ZSCAN5A: variants seen among roughly 807,000 people sequenced by gnomAD.
The protein encoded by ZSCAN5A is zinc finger and SCAN domain-containing protein 5A.
Under a neutral mutation model 23.7 loss-of-function variants are expected in ZSCAN5A, and 12 were observed. That is an observed-to-expected ratio of 0.51 (90% CI 0.32 to 0.82). The LOEUF (loss-of-function observed/expected upper bound fraction) is 0.82. Ranked by LOEUF, ZSCAN5A falls within the 40% of genes least tolerant of loss-of-function variation. The probability of loss-of-function intolerance (pLI) is 0.03; values close to 1 mark genes in which losing one functional copy is unlikely to be tolerated. For missense variants in ZSCAN5A, 597 were observed against 617.9 expected (o/e 0.97, Z 0.36); for synonymous variants, 257 against 239.9 (o/e 1.07, Z -0.66).
chr19:56,328,920 A>G (rs1365489594), intron 2 of ZSCAN5A, among the ~76,000 whole-genome samples: 5 of 150,050 alleles, frequency 3.3e-5, no homozygotes, highest in Admixed American at 2.0e-4. Flanking sequence ...GCGTGAACCC[A>G]GGAGGCGGAG....
rs2035190382 is a variant in ZSCAN5A at position 56,238,826 on chromosome 19, T to C, written c.-127-13653A>G. On this transcript the variant is annotated intron_variant, in intron 2 of 5. Transcript: ENST00000683990. ...AGATCTATAGATCCAACTCAATCCC[T>C]ACCAAAATGCCAAGGACATTCCTTA... Among the ~76,000 whole-genome samples, 2 of 149,606 alleles carry C rather than the reference T, an allele frequency of 1.3e-5. 1 individual carries two copies. The highest frequency in any genetic ancestry group is 4.2e-4 in the South Asian group (2 of 4,712).
intron 2 of ZSCAN5A, chr19:56,245,363 G>A (rs1212445120): frequency 5.3e-6 from 4 of 752,556 alleles, no homozygotes; most frequent in South Asian, 1.4e-5. Context: ...GCGTCCGGGG[G>A]AAGGCCAGGC....
At chr19:56,225,724 T>TA (rs1424382867) in intron 2 of ZSCAN5A, among the ~76,000 whole-genome samples, 5 of 152,226 alleles carry the variant, frequency 3.3e-5, no homozygotes, top group African/African-American at 4.8e-5. Flanking sequence ...CATCATTTTT[T>TA]ACTCTCTTCA....
At chr19:56,230,968 G>A (rs2034413166) in intron 2 of ZSCAN5A, among the ~76,000 whole-genome samples, 1 of 152,152 alleles carries the variant, frequency 6.6e-6, no homozygotes, top group African/African-American at 2.4e-5. Flanking sequence ...AGAATGGTGT[G>A]TGAATATTCC....
chr19:56,344,918 AAAAAAAAAAAAAAAAAAG>A (rs1282201059), intron 2 of ZSCAN5A, among the ~76,000 whole-genome samples: 10 of 146,550 alleles, frequency 6.8e-5, no homozygotes, highest in African/African-American at 2.6e-4. Context: ...TCAAAAAAAA[AAAAAAAAAAAAAAAAAAG>A]AAAAAAAAGA....
chr19:56,324,442 C>T (rs2041413741), intron 2 of ZSCAN5A, among the ~76,000 whole-genome samples: 1 of 152,098 alleles, frequency 6.6e-6, no homozygotes, highest in Non-Finnish European at 1.5e-5. Flanking sequence ...GAGAAATTAT[C>T]TCACTCCAGT....
In ZSCAN5A at chr19:56,336,997, G is replaced by C. The variant is rs543921690; in HGVS notation, c.-357-20729C>G. ...GTGAGGTGTCAGTCTGCCCCTACTG[G>C]GGGGTGCCTCCCAGTTAGGCTACTC... is the stretch of plus-strand genomic sequence containing the variant. On this transcript the variant is annotated intron_variant, in intron 2 of 6. Transcript: ENST00000587340. Among the ~76,000 whole-genome samples, 831 of 152,318 alleles carry C rather than the reference G, an allele frequency of 5.5e-3. 14 individuals carry two copies. The South Asian group carries it at 0.058, about 11-fold the overall frequency.
intron 2 of ZSCAN5A, chr19:56,302,937 A>C: frequency 2.5e-6 from 1 of 398,304 alleles, no homozygotes; most frequent in Non-Finnish European, 4.4e-6. Context: ...GGAGGCAGAC[A>C]TCCACAGAGA....
intron 2 of ZSCAN5A, among the ~76,000 whole-genome samples, chr19:56,240,389 G>T (rs2035336176): frequency 6.6e-6 from 1 of 152,092 alleles, no homozygotes; most frequent in East Asian, 1.9e-4. Flanking sequence ...TGGATTACGT[G>T]GCCCTAAACC....
exon 1 of ZSCAN5A, chr19:56,368,221 G>GTACGCCTCGTCTCT (rs1416025890): frequency 6.6e-6 from 1 of 152,400 alleles, no homozygotes; most frequent in Non-Finnish European, 1.5e-5. Context: ...TGTGTCCCAG[G>GTACGCCTCGTCTCT]TAGCTCGTCT....
At chr19:56,345,468 T>A (rs967092683) in intron 2 of ZSCAN5A, among the ~76,000 whole-genome samples, 1 of 152,188 alleles carries the variant, frequency 6.6e-6, no homozygotes, top group African/African-American at 2.4e-5. Flanking sequence ...TAGGCAGTTG[T>A]CAGTGAAATA....
Position 56,336,615 on chromosome 19 carries a change from C to T in ZSCAN5A, c.-357-20347G>A, listed in dbSNP as rs536535303. Among the ~76,000 whole-genome samples, 261 of 151,662 alleles carry T rather than the reference C, an allele frequency of 1.7e-3. 1 individual carries two copies. The highest frequency in any genetic ancestry group is 0.01 in the Middle Eastern group (3 of 294). ...AGTCATTCTCCATCCAGCTTTGTTCCGTTGCTGGTGAGGAGCTGCATTCCT... is the reference window on the plus strand; with the variant it reads ...AGTCATTCTCCATCCAGCTTTGTTCTGTTGCTGGTGAGGAGCTGCATTCCT... On this transcript the variant is annotated intron_variant, in intron 2 of 6. Coordinates refer to the ZSCAN5A transcript ENST00000587340.
intron 2 of ZSCAN5A, among the ~76,000 whole-genome samples, chr19:56,297,143 G>C (rs138324085): frequency 1.7e-3 from 265 of 152,194 alleles, no homozygotes; most frequent in Middle Eastern, 6.8e-3. Context: ...AAGGGCAGGT[G>C]AGCCAGAGAT....
At chr19:56,275,899 T>C (rs1237396734) in intron 2 of ZSCAN5A, among the ~76,000 whole-genome samples, 1 of 152,354 alleles carries the variant, frequency 6.6e-6, no homozygotes, top group East Asian at 1.9e-4. Flanking sequence ...ACGAATGGAC[T>C]TATCGATGGA....
chr19:56,308,236 G>A (rs1454318738), intron 2 of ZSCAN5A, among the ~76,000 whole-genome samples: 1 of 152,038 alleles, frequency 6.6e-6, no homozygotes, highest in Non-Finnish European at 1.5e-5. Flanking sequence ...GTTTCACCAT[G>A]TTGGCCAGGA....
intron 2 of ZSCAN5A, among the ~76,000 whole-genome samples, chr19:56,360,995 A>G (rs1405091695): frequency 2.0e-5 from 3 of 152,006 alleles, no homozygotes; most frequent in African/African-American, 7.2e-5. Flanking sequence ...AATTTACAAA[A>G]AACAAAATGC....
chr19:56,283,626 GC>G (rs1222923616), intron 2 of ZSCAN5A: 1 of 152,098 alleles, frequency 6.6e-6, no homozygotes, highest in Admixed American at 6.5e-5. Flanking sequence ...AGCAAGCCTC[GC>G]CCCAGTTAAC....
rs140550371 is a variant in ZSCAN5A at position 56,287,144 on chromosome 19, T to C, written c.-128+26139A>G. Among the ~76,000 whole-genome samples, 930 of 152,360 alleles carry C rather than the reference T, an allele frequency of 6.1e-3. 8 individuals are homozygous for C. Among genetic ancestry groups the C allele is most frequent in the African/African-American group, 0.021 (861 of 41,590 alleles). Reference sequence around the variant, plus strand: ...CTCCTGTGATGACAGTTTCCGAGTTTTGTCCATCTTAGGTGGTGAAACCAC... The same window carrying C: ...CTCCTGTGATGACAGTTTCCGAGTTCTGTCCATCTTAGGTGGTGAAACCAC... On this transcript the variant is annotated intron_variant, in intron 2 of 5. Transcript: ENST00000683990.
At chr19:56,337,938 T>C (rs977049348) in intron 2 of ZSCAN5A, among the ~76,000 whole-genome samples, 3 of 152,272 alleles carry the variant, frequency 2.0e-5, no homozygotes, top group African/African-American at 7.2e-5. Flanking sequence ...TCGTGGCTTT[T>C]TAATTTGCAT....
Sources: allele counts gnomAD v4.1 joint callset (sites outside exome capture counted in the v4.1 genomes callset), GRCh38; gene constraint gnomAD v4.1.1; transcripts MANE v1.5; gene names NCBI Gene and HGNC (gene_info 2026-07-23, HGNC 2026-07-21).